The following BTRC variants were observed in gnomAD, a reference collection of about 807,000 sequenced individuals.
The protein encoded by BTRC is F-box/WD repeat-containing protein 1A.
BTRC carries 42 observed loss-of-function variants against 85.5 expected under a neutral mutation model. The ratio of observed to expected loss-of-function variants is 0.49; its 90% CI spans 0.38 to 0.64. The LOEUF is 0.64. BTRC is among the 30% of genes least tolerant of loss of function. The pLI is 0.00. For missense variants in BTRC, 594 were observed against 743.5 expected, an observed-to-expected ratio of 0.80 and a Z score of 2.34; for synonymous variants, 255 against 263.3, an observed-to-expected ratio of 0.97 and a Z score of 0.30.
chr10:101,536,463 C>A, intron 11 of BTRC, 80 bp from the exon 12 acceptor site: 1 of 970,676 alleles, frequency 1.0e-6, no homozygotes, highest in Non-Finnish European at 1.7e-6. Flanking sequence ...TTTTAGAAGG[C>A]ATATGAGGTG....
At chr10:101,512,859 A>C (rs1011287018) in intron 4 of BTRC, among the ~76,000 whole-genome samples, 3 of 152,222 alleles carry the variant, frequency 2.0e-5, no homozygotes, top group Non-Finnish European at 4.4e-5. Context: ...TATAAACAAA[A>C]AAGAAGAGGG....
intron 4 of BTRC, among the ~76,000 whole-genome samples, chr10:101,501,039 AC>A (rs1946387039): frequency 6.6e-6 from 1 of 152,194 alleles, no homozygotes; most frequent in African/African-American, 2.4e-5. Flanking sequence ...CACTAAAAAT[AC>A]AAAAAATTAG....
At chr10:101,534,609 A>G in intron 9 of BTRC, 52 bp from the exon 10 acceptor site, 2 of 1,606,470 alleles carry the variant, frequency 1.2e-6, no homozygotes. Flanking sequence ...GGTCAAATAT[A>G]GGTAACAGAT....
intron 1 of BTRC, among the ~76,000 whole-genome samples, chr10:101,381,170 A>G (rs1474463418): frequency 6.6e-6 from 1 of 152,160 alleles, no homozygotes; most frequent in Admixed American, 6.6e-5. Context: ...GTAGCTCAGT[A>G]TATACCGTGC....
chr10:101,541,265 C>CTTT (rs34740269), intron 13 of BTRC, among the ~76,000 whole-genome samples: 1,928 of 147,142 alleles, frequency 0.013, 16 homozygotes, highest in Middle Eastern at 0.025. Flanking sequence ...GGGTTTTTCT[C>CTTT]TTTTTTTTTT....
intron 1 of BTRC, among the ~76,000 whole-genome samples, chr10:101,426,922 G>C (rs954224775): frequency 6.6e-6 from 1 of 151,910 alleles, no homozygotes; most frequent in African/African-American, 2.4e-5. Flanking sequence ...GTGCCTCCTC[G>C]ATTTTCTTCC....
chr10:101,517,273 A>G (rs928890981), intron 4 of BTRC, among the ~76,000 whole-genome samples: 23 of 152,186 alleles, frequency 1.5e-4, no homozygotes, highest in Non-Finnish European at 1.5e-5. Context: ...TCTTGAAAAT[A>G]TGCTTTCAGC....
At chr10:101,494,478 A>G (rs1946211089) in intron 4 of BTRC, among the ~76,000 whole-genome samples, 1 of 152,226 alleles carries the variant, frequency 6.6e-6, no homozygotes, top group Non-Finnish European at 1.5e-5. Context: ...TTGCTATATC[A>G]TAACTCAAAA....
At chr10:101,422,690 T>C (rs1398962339) in intron 1 of BTRC, among the ~76,000 whole-genome samples, 1 of 152,236 alleles carries the variant, frequency 6.6e-6, no homozygotes, top group Non-Finnish European at 1.5e-5. Context: ...TATATATGGC[T>C]AGCCAGTTTT....
intron 4 of BTRC, among the ~76,000 whole-genome samples, chr10:101,500,443 C>G (rs889844813): frequency 6.6e-6 from 1 of 152,118 alleles, no homozygotes; most frequent in African/African-American, 2.4e-5. Context: ...TGATTTGGCC[C>G]TAATGGAGAC....
chr10:101,538,045 A>G (rs2062412852), intron 12 of BTRC, among the ~76,000 whole-genome samples: 1 of 152,182 alleles, frequency 6.6e-6, no homozygotes, highest in African/African-American at 2.4e-5. Context: ...GTAGATTTCT[A>G]GGTCTGTGTA....
chr10:101,396,184 G>C (rs978460805), intron 1 of BTRC, among the ~76,000 whole-genome samples: 1 of 150,488 alleles, frequency 6.6e-6, no homozygotes, highest in African/African-American at 2.4e-5. Flanking sequence ...CACTGTCTTT[G>C]CTCTCATTTC....
chr10:101,525,519 G>GAA (rs2062177305), intron 5 of BTRC, among the ~76,000 whole-genome samples: 1 of 151,902 alleles, frequency 6.6e-6, no homozygotes, highest in South Asian at 2.1e-4. Context: ...CTATAACCCA[G>GAA]CACATTCTGA....
At position 101,534,909 on chromosome 10, in the gene BTRC, A is replaced by G; in HGVS notation, c.1346A>G (p.Lys449Arg). 1 of 1,610,150 alleles carries G rather than the reference A, an allele frequency of 6.2e-7. No homozygotes were observed. Among genetic ancestry groups the G allele is most frequent in the Non-Finnish European group, 8.5e-7 (1 of 1,176,514 alleles). The part of the protein sequence containing the change: ...IVSASGDRTI[K>R]VWNTSTCEFV... ...TCTGCATCTGGGGATAGAACTATAA[A>G]GGTAATAAGGCATTTTTCAGTAAGT... is the stretch of plus-strand genomic sequence containing the variant. The change falls in exon 10 of 15, where the codon AAG becomes AGG. Residue 449 changes from lysine (K) to arginine (R), a missense_variant and splice_region_variant. Around this residue, in one of 4 missense-constraint regions of BTRC, gnomAD observed 373 missense variants for 503.6 expected, o/e 0.74. Transcript: ENST00000370187.
chr10:101,483,776 G>A (rs538927407), intron 4 of BTRC, among the ~76,000 whole-genome samples: 1 of 152,002 alleles, frequency 6.6e-6, no homozygotes, highest in Admixed American at 6.5e-5. Context: ...AGCTTTAAAT[G>A]GACAGTCATT....
intron 1 of BTRC, among the ~76,000 whole-genome samples, chr10:101,408,548 C>A (rs1238519250): frequency 6.6e-6 from 1 of 152,114 alleles, no homozygotes; most frequent in African/African-American, 2.4e-5. Flanking sequence ...CGCAAGCGAT[C>A]TGCCACCTGG....
intron 1 of BTRC, among the ~76,000 whole-genome samples, chr10:101,411,776 C>T (rs975231608): frequency 7.0e-5 from 9 of 128,756 alleles, no homozygotes; most frequent in African/African-American, 2.0e-4. Flanking sequence ...ATATTTTGTG[C>T]CTCTTGTCTT....
At chr10:101,427,704 T>C (rs138062361) in intron 1 of BTRC, among the ~76,000 whole-genome samples, 327 of 151,780 alleles carry the variant, frequency 2.2e-3, no homozygotes, top group African/African-American at 5.3e-3. Flanking sequence ...ATTTTTTAAA[T>C]TTTTTGTAGA....
chr10:101,532,720 G>A (rs1239285326), intron 8 of BTRC, among the ~76,000 whole-genome samples: 1 of 150,144 alleles, frequency 6.7e-6, no homozygotes, highest in African/African-American at 2.4e-5. Flanking sequence ...TAATGAAAAG[G>A]ATAAAAGTTT....
Sources: gnomAD v4.1 joint callset for allele counts (sites outside exome capture counted in the v4.1 genomes callset) on GRCh38, gnomAD v4.1.1 for gene constraint, gnomAD v4.1.1 regional missense constraint, MANE v1.5 for transcripts, NCBI Gene and HGNC (gene_info 2026-07-23, HGNC 2026-07-21) for gene names.